ELP4: variants seen among roughly 807,000 people sequenced by gnomAD.
The protein encoded by ELP4 is elongator acetyltransferase complex subunit 4, also known as elongator complex protein 4.
Under a neutral mutation model 48.9 loss-of-function variants are expected in ELP4, and 51 were observed. That is an observed-to-expected ratio of 1.04 (90% CI 0.83 to 1.32). The LOEUF is 1.32. Ranked by LOEUF, ELP4 falls within the 40% of genes most tolerant of loss-of-function variation. ELP4 has a pLI of 0.00. For missense variants in ELP4, 519 were observed against 514.6 expected, an observed-to-expected ratio of 1.01 and a Z score of -0.08; for synonymous variants, 210 against 189.2, an observed-to-expected ratio of 1.11 and a Z score of -0.90.
chr11:31,545,788 T>G (rs145229132), intron 3 of ELP4, among the ~76,000 whole-genome samples: 25 of 152,112 alleles, frequency 1.6e-4, no homozygotes, highest in African/African-American at 5.5e-4. Context: ...CGGATCTCTC[T>G]GCAGAAACTC....
At chr11:31,606,841 G>T (rs1957884649) in intron 5 of ELP4, among the ~76,000 whole-genome samples, 1 of 152,158 alleles carries the variant, frequency 6.6e-6, no homozygotes, top group South Asian at 2.1e-4. Flanking sequence ...CTTTCTTACT[G>T]ATTAACAATT....
intron 9 of ELP4, among the ~76,000 whole-genome samples, chr11:31,667,405 T>C (rs1445737832): frequency 1.3e-5 from 2 of 152,206 alleles, no homozygotes; most frequent in Non-Finnish European, 2.9e-5. Context: ...CCATCAACTT[T>C]ATTTTGGAAG....
chr11:31,679,731 A>C (rs1946017930), intron 9 of ELP4, among the ~76,000 whole-genome samples: 1 of 152,190 alleles, frequency 6.6e-6, no homozygotes, highest in East Asian at 1.9e-4. Flanking sequence ...CAGTCCTGCA[A>C]CTTTGTTCTT....
intron 5 of ELP4, among the ~76,000 whole-genome samples, chr11:31,609,152 T>C (rs945845734): frequency 9.2e-5 from 14 of 152,180 alleles, no homozygotes; most frequent in African/African-American, 2.7e-4. Context: ...CCAGTGGCCT[T>C]CTTGGCTGCA....
intron 6 of ELP4, among the ~76,000 whole-genome samples, chr11:31,631,099 A>T (rs544490837): frequency 1.3e-4 from 20 of 152,238 alleles, no homozygotes; most frequent in African/African-American, 4.8e-4. Context: ...ATCTTCTAAC[A>T]TTTCAGTGTT....
At chr11:31,567,182 C>T (rs906187021) in intron 3 of ELP4, among the ~76,000 whole-genome samples, 1 of 152,002 alleles carries the variant, frequency 6.6e-6, no homozygotes, top group South Asian at 2.1e-4. Flanking sequence ...ATCCACCTGT[C>T]TCAGCCTCCC....
intron 7 of ELP4, chr11:31,647,512 C>T (rs1409814761): frequency 8.5e-6 from 3 of 352,624 alleles, no homozygotes; most frequent in Non-Finnish European, 1.5e-5. Flanking sequence ...TTTATGTTTT[C>T]CCTTCAGTTC....
chr11:31,728,349 G>A (rs549925194), intron 9 of ELP4, among the ~76,000 whole-genome samples: 19 of 152,078 alleles, frequency 1.2e-4, no homozygotes, highest in African/African-American at 4.3e-4. Context: ...AAGAATAAAA[G>A]CATAGAATTA....
intron 3 of ELP4, among the ~76,000 whole-genome samples, chr11:31,570,353 G>A (rs1355904215): frequency 6.6e-6 from 1 of 152,068 alleles, no homozygotes; most frequent in Non-Finnish European, 1.5e-5. Context: ...TGGAATACAA[G>A]GCAGGAGAGG....
At chr11:31,644,516 T>C (rs1278130631) in intron 7 of ELP4, among the ~76,000 whole-genome samples, 1 of 151,794 alleles carries the variant, frequency 6.6e-6, no homozygotes. Flanking sequence ...CTCAGATCAT[T>C]ATGCTAAAGC....
Position 31,594,748 on chromosome 11 carries a change from A to G in ELP4, c.382-22A>G, listed in dbSNP as rs777941064. On this transcript the variant is annotated intron_variant, in intron 3 of 9. Transcript: ENST00000640961. ...CATATTTTACCACAGAATCTCAATT[A>G]TGTGTCATTTTGTTTTCTTAGGAAC... 6.2e-6 allele frequency: 9 copies of G among 1,458,772 alleles called. No homozygotes were observed. In the Middle Eastern group the frequency reaches 6.4e-4, roughly 104 times the overall value. The allele number at this position is 1,458,772 out of a possible 1,614,324, so 90.4% of individuals were successfully genotyped here.
chr11:31,651,579 CAG>C (rs1326152760), intron 9 of ELP4: 1 of 151,908 alleles, frequency 6.6e-6, no homozygotes, highest in Middle Eastern at 3.4e-3. Flanking sequence ...GCTTTTCTGA[CAG>C]AATACTGAGT....
At chr11:31,570,516 T>C (rs1294578746) in intron 3 of ELP4, among the ~76,000 whole-genome samples, 1 of 150,246 alleles carries the variant, frequency 6.7e-6, no homozygotes, top group Non-Finnish European at 1.5e-5. Context: ...CGTCCAGGCT[T>C]GAGTGCAGTG....
chr11:31,643,389 C>T (rs1945138796), intron 7 of ELP4, among the ~76,000 whole-genome samples: 1 of 151,766 alleles, frequency 6.6e-6, no homozygotes, highest in Non-Finnish European at 1.5e-5. Context: ...CCCTTTCAAG[C>T]TTCTTGATAA....
intron 3 of ELP4, among the ~76,000 whole-genome samples, chr11:31,592,014 A>G (rs561409101): frequency 2.0e-5 from 3 of 152,312 alleles, no homozygotes; most frequent in Non-Finnish European, 4.4e-5. Flanking sequence ...CACGTATTGT[A>G]TGGTTCCATT....
chr11:31,519,344 A>G (rs1407706593), intron 1 of ELP4, among the ~76,000 whole-genome samples: 3 of 150,532 alleles, frequency 2.0e-5, no homozygotes, highest in African/African-American at 7.5e-5. Flanking sequence ...TGGAATTTCT[A>G]TAATAATCTT....
chr11:31,597,113 T>C (rs771242355), intron 4 of ELP4, among the ~76,000 whole-genome samples: 4 of 152,180 alleles, frequency 2.6e-5, no homozygotes, highest in Non-Finnish European at 4.4e-5. Context: ...CAAAAACATA[T>C]ATTCTTTGAT....
intron 9 of ELP4, among the ~76,000 whole-genome samples, chr11:31,760,411 A>G (rs1456989424): frequency 1.3e-5 from 2 of 152,196 alleles, no homozygotes; most frequent in Non-Finnish European, 2.9e-5. Context: ...TCTAAACCCC[A>G]GCTTAACAGG....
chr11:31,592,132 TG>T (rs1178563438), intron 3 of ELP4, among the ~76,000 whole-genome samples: 1 of 152,164 alleles, frequency 6.6e-6, no homozygotes, highest in African/African-American at 2.4e-5. Flanking sequence ...TGCAGTTTTT[TG>T]GGGGACTGAT....
Sources: allele counts gnomAD v4.1 joint callset (sites outside exome capture counted in the v4.1 genomes callset), GRCh38; gene constraint gnomAD v4.1.1; transcripts MANE v1.5; gene names NCBI Gene and HGNC (gene_info 2026-07-23, HGNC 2026-07-21).